UBA6: variants seen among roughly 807,000 people sequenced by gnomAD.
UBA6 encodes ubiquitin-like modifier-activating enzyme 6.
UBA6 carries 87 observed loss-of-function variants against 148.3 expected under a neutral mutation model. The observed-to-expected ratio is 0.59, with a 90% CI of 0.49 to 0.70. The LOEUF (loss-of-function observed/expected upper bound fraction) is 0.70. Ranked by LOEUF, UBA6 falls within the 30% of genes least tolerant of loss-of-function variation. The pLI is 0.00. For missense variants in UBA6, 1,186 were observed against 1,241.2 expected, an observed-to-expected ratio of 0.96 and a Z score of 0.67; for synonymous variants, 376 against 401.0, an observed-to-expected ratio of 0.94 and a Z score of 0.75.
chr4:67,638,151 G>C (rs1035785759), intron 19 of UBA6: 10 of 152,344 alleles, frequency 6.6e-5, no homozygotes, highest in African/African-American at 2.2e-4. Flanking sequence ...AAAAGGCACA[G>C]ACAGAAGGAG....
chr4:67,676,357 T>G (rs1222760495), intron 6 of UBA6, among the ~76,000 whole-genome samples: 1 of 152,182 alleles, frequency 6.6e-6, no homozygotes, highest in Non-Finnish European at 1.5e-5. Flanking sequence ...GTTCTCAGTT[T>G]AGGAATTTCC....
intron 4 of UBA6, 107 bp downstream of exon 4, chr4:67,681,456 G>A: frequency 1.5e-6 from 1 of 666,980 alleles, no homozygotes; most frequent in Non-Finnish European, 2.5e-6. Flanking sequence ...TTAAAAAGTA[G>A]AGCATTAAAG....
intron 5 of UBA6, among the ~76,000 whole-genome samples, chr4:67,677,946 G>T (rs1161868176): frequency 2.0e-5 from 3 of 151,356 alleles, no homozygotes; most frequent in African/African-American, 7.3e-5. Context: ...CAATCTCAAA[G>T]TGTACCCTAA....
intron 17 of UBA6, 57 bp from the exon 18 acceptor site, chr4:67,641,285 T>TC: frequency 8.9e-7 from 1 of 1,120,642 alleles, no homozygotes; most frequent in Non-Finnish European, 1.3e-6. Flanking sequence ...AATCTATTTT[T>TC]CTTTTCTCAG....
intron 13 of UBA6, among the ~76,000 whole-genome samples, chr4:67,652,406 AT>A (rs1729573536): frequency 1.3e-5 from 2 of 152,240 alleles, no homozygotes; most frequent in East Asian, 3.8e-4. Context: ...ACACATAAAA[AT>A]GTTTAAAATC....
Position 67,624,156 on chromosome 4 carries a change from T to C in UBA6, c.2810A>G (p.Glu937Gly). Residue 937 changes from glutamate to glycine, a missense_variant, in exon 30 of 33, where the codon GAG becomes GGG. Physicochemically the swap from Glu to Gly is moderately conservative, Grantham distance 98. Transcript: ENST00000322244. Reference sequence around the variant, plus strand: ...TTTAGTTTTCCTTACTTCAGTTGTCTCTGTAAATACTACAATTGGAATGGC... The same window carrying C: ...TTTAGTTTTCCTTACTTCAGTTGTCCCTGTAAATACTACAATTGGAATGGC... Reference protein sequence around the residue: ...NLAIPIVVFTETTEVRKTKIR... With the variant: ...NLAIPIVVFTGTTEVRKTKIR... The C allele has an allele frequency of 6.2e-7, 1 of 1,604,298 alleles. No homozygotes were observed. The highest frequency in any genetic ancestry group is 8.5e-7 in the Non-Finnish European group (1 of 1,176,170).
In UBA6 at chr4:67,625,171, T is replaced by G. The variant is rs756486571; in HGVS notation, c.2535A>C (p.Ala845=). The change falls in exon 29 of 33, where the codon GCA becomes GCC. Residue 845 remains alanine, a synonymous_variant. Transcript: ENST00000322244. ...CATCATCTTTTTCAAATGAAAGCAC[T>G]GCCATCTGAAGGTCACCTGATTATA... The part of the protein sequence containing the change: ...NEATKSDLQM[A]VLSFEKDDDH... 1.2e-6 allele frequency: 2 copies of G among 1,609,438 alleles called. No individual in the cohort carries two copies. Among genetic ancestry groups the G allele is most frequent in the African/African-American group, 1.3e-5 (1 of 74,990 alleles).
At chr4:67,688,304 T>C (rs1052950795) in intron 2 of UBA6, among the ~76,000 whole-genome samples, 3 of 152,144 alleles carry the variant, frequency 2.0e-5, no homozygotes, top group Non-Finnish European at 4.4e-5. Context: ...GAGTCCTAAA[T>C]TGGGACTCAT....
In UBA6 at chr4:67,681,579, A is replaced by G. The variant is rs1357028249; in HGVS notation, c.242T>C (p.Val81Ala). 6.3e-7 allele frequency: 1 copy of G among 1,581,368 alleles called. No individual in the cohort carries two copies. The highest frequency in any genetic ancestry group is 1.2e-5 in the South Asian group (1 of 84,422). Reference protein sequence around the residue: ...GLGLEIAKNLVLAGIKAVTIH... With the variant: ...GLGLEIAKNLALAGIKAVTIH... ...TTTACTTACCTTAATCCCTGCAAGA[A>G]CAAGATTCTTTGCTAGAAAGGCAAA... Residue 81 changes from valine (V) to alanine (A), a missense_variant, in exon 4 of 33, where the codon GTT becomes GCT. Val to Ala is a moderately conservative substitution (Grantham distance 64, BLOSUM62 0). Transcript: ENST00000322244.
At chr4:67,653,239 C>T (rs746458214) in intron 13 of UBA6, among the ~76,000 whole-genome samples, 4 of 152,084 alleles carry the variant, frequency 2.6e-5, no homozygotes, top group Admixed American at 6.6e-5. Flanking sequence ...GGGTCCCTGA[C>T]CCCCATGTAG....
At position 67,625,165 on chromosome 4, in the gene UBA6, A is replaced by C; in HGVS notation, c.2541T>G (p.Leu847=). The C allele has an allele frequency of 3.1e-6, 5 of 1,610,002 alleles. No individual in the cohort carries two copies. Among genetic ancestry groups the C allele is most frequent in the Non-Finnish European group, 4.2e-6 (5 of 1,178,116 alleles). Reference sequence around the variant, plus strand: ...TATGATCATCATCTTTTTCAAATGAAAGCACTGCCATCTGAAGGTCACCTG... The same window carrying C: ...TATGATCATCATCTTTTTCAAATGACAGCACTGCCATCTGAAGGTCACCTG... ...ATKSDLQMAV[L]SFEKDDDHNG... The change falls in exon 29 of 33, where the codon CTT becomes CTG. Residue 847 remains leucine (L), a synonymous_variant. Coordinates refer to ENST00000322244, the MANE Select transcript of UBA6 (RefSeq NM_018227.6).
intron 7 of UBA6, among the ~76,000 whole-genome samples, chr4:67,671,828 G>A (rs185249060): frequency 1.6e-4 from 24 of 152,150 alleles, no homozygotes; most frequent in African/African-American, 2.2e-4. Flanking sequence ...AATTACAAGC[G>A]AAGAACTGTG....
At chr4:67,682,027 T>C (rs1730452606) in intron 3 of UBA6, 92 bp downstream of exon 3, 2 of 943,526 alleles carry the variant, frequency 2.1e-6, no homozygotes, top group Non-Finnish European at 1.7e-6. Flanking sequence ...TCTAACTTCC[T>C]TTATAGGAAA....
intron 15 of UBA6, 118 bp from the exon 16 acceptor site, chr4:67,646,134 C>T: frequency 2.0e-6 from 1 of 497,010 alleles, no homozygotes; most frequent in South Asian, 5.7e-5. Context: ...AAAGTTTCCC[C>T]TAACCAATCT....
Position 67,668,560 on chromosome 4 carries a change from GT to G in UBA6, c.783del (p.Gln261HisfsTer3). The G allele has an allele frequency of 6.2e-7, 1 of 1,609,966 alleles. No individual in the cohort carries two copies. The highest frequency in any genetic ancestry group is 8.5e-7 in the Non-Finnish European group (1 of 1,177,548). The stretch of plus-strand genomic sequence containing the variant: ...AAACACATTGACTTACCCGTTATTT[GT>G]TGTATAGATCCATTTAAACCTGTCA... Reference protein sequence around the residue: ...NGMTGLNGSIQQITVISPFSF... With the variant: ...NGMTGLNGSIXQITVISPFSF... On this transcript the variant is annotated frameshift_variant, in exon 9 of 33. Coordinates refer to ENST00000322244, the MANE Select transcript of UBA6 (RefSeq NM_018227.6). LOFTEE classifies it high-confidence loss of function.
intron 13 of UBA6, among the ~76,000 whole-genome samples, chr4:67,651,886 A>G (rs570475761): frequency 9.2e-5 from 14 of 152,316 alleles, no homozygotes; most frequent in African/African-American, 3.4e-4. Flanking sequence ...CATACACAAA[A>G]AAATTAACTT....
At chr4:67,619,691 C>G (rs1728709627) in intron 32 of UBA6, among the ~76,000 whole-genome samples, 1 of 152,208 alleles carries the variant, frequency 6.6e-6, no homozygotes, top group Admixed American at 6.5e-5. Context: ...AAGCATTTCT[C>G]TGTAAACAGT....
chr4:67,635,347 G>C (rs555663625), intron 20 of UBA6, 106 bp downstream of exon 20: 139 of 656,230 alleles, frequency 2.1e-4, no homozygotes, highest in Non-Finnish European at 3.2e-4. Context: ...AACATCATTG[G>C]CAGAGCAAAA....
intron 27 of UBA6, among the ~76,000 whole-genome samples, chr4:67,627,008 C>T (rs1728884056): frequency 6.6e-6 from 1 of 151,892 alleles, no homozygotes; most frequent in Non-Finnish European, 1.5e-5. Flanking sequence ...TTTAAATATT[C>T]ACTGACTGCT....
Sources: gnomAD v4.1 joint callset for allele counts (sites outside exome capture counted in the v4.1 genomes callset) on GRCh38, gnomAD v4.1.1 for gene constraint, MANE v1.5 for transcripts, NCBI Gene and HGNC (gene_info 2026-07-23, HGNC 2026-07-21) for gene names.